RASGRP1: variants seen among roughly 807,000 people sequenced by gnomAD.
The protein encoded by RASGRP1 is RAS guanyl releasing protein 1, also known as RAS guanyl-releasing protein 1.
In RASGRP1, 37 loss-of-function variants were observed where a neutral mutation model predicts 95.1. The observed-to-expected ratio is 0.39, with a 90% confidence interval of 0.30 to 0.51. The LOEUF is 0.51. RASGRP1 is among the 20% of genes least tolerant of loss of function. The pLI is 0.80. For missense variants in RASGRP1, 711 were observed against 965.4 expected, an observed-to-expected ratio of 0.74 and a Z score of 3.49; for synonymous variants, 325 against 353.4, an observed-to-expected ratio of 0.92 and a Z score of 0.90.
chr15:38,502,175 T>G (rs1375001047), intron 12 of RASGRP1, 137 bp downstream of exon 12: 1 of 624,622 alleles, frequency 1.6e-6, no homozygotes, highest in African/African-American at 1.9e-5. Context: ...TTTAAAAGAA[T>G]GCATATTTCA....
Position 38,489,674 on chromosome 15 carries a change from G to A in RASGRP1, c.*880C>T, listed in dbSNP as rs138284530. 1.6e-4 allele frequency: 24 copies of A among 151,824 alleles called. No homozygotes were observed. The highest frequency in any genetic ancestry group is 5.8e-4 in the African/African-American group (24 of 41,310). 9.4% of individuals were successfully genotyped at this position (151,824 alleles called of 1,614,324 possible). A position where few individuals can be genotyped will look rare whatever the true frequency, so the allele number is the denominator to read the frequency against. On this transcript the variant is annotated 3_prime_UTR_variant, in exon 17 of 17. Transcript: ENST00000310803. Reference sequence around the variant, plus strand: ...TTTCAAAAAGAGAACTTTCAAAATAGTTTACTTCAGAAGAGAAAGATGGAA... The same window carrying A: ...TTTCAAAAAGAGAACTTTCAAAATAATTTACTTCAGAAGAGAAAGATGGAA...
chr15:38,564,574 C>T lies in RASGRP1; in HGVS notation c.35+20G>A. 1 of 1,370,590 alleles carries T rather than the reference C, an allele frequency of 7.3e-7. No individual in the cohort carries two copies. Among genetic ancestry groups the T allele is most frequent in the South Asian group, 1.8e-5 (1 of 54,064 alleles). 84.9% of individuals were successfully genotyped at this position (1,370,590 alleles called of 1,614,324 possible). ...GAAAGGACACAGGCGCTCCCGAGGG[C>T]CACGGCCGCCTCTACTCACCGCGGA... On this transcript the variant is annotated intron_variant, in intron 1 of 16. Coordinates refer to ENST00000310803, the MANE Select transcript of RASGRP1 (RefSeq NM_005739.4).
intron 12 of RASGRP1, chr15:38,501,574 A>C: frequency 3.9e-6 from 2 of 515,492 alleles, no homozygotes; most frequent in South Asian, 1.7e-5. Context: ...AAAAGAAACA[A>C]TGTAACATGT....
At chr15:38,533,661 T>C (rs1356874665) in intron 2 of RASGRP1, among the ~76,000 whole-genome samples, 1 of 152,214 alleles carries the variant, frequency 6.6e-6, no homozygotes, top group Non-Finnish European at 1.5e-5. Flanking sequence ...AAGGCCACTT[T>C]GGTCTCTGTT....
chr15:38,560,645 G>A (rs1020712340), intron 1 of RASGRP1, among the ~76,000 whole-genome samples: 7 of 152,208 alleles, frequency 4.6e-5, no homozygotes, highest in Non-Finnish European at 1.0e-4. Flanking sequence ...GATTTTAAGC[G>A]AGTCCTGCCT....
At chr15:38,512,662 C>T in intron 7 of RASGRP1, 121 bp downstream of exon 7, 1 of 1,217,738 alleles carries the variant, frequency 8.2e-7, no homozygotes, top group Non-Finnish European at 1.1e-6. Flanking sequence ...CAAACCTCTC[C>T]ACCCCCTCGC....
chr15:38,506,537 A>C (rs961490484), intron 9 of RASGRP1, among the ~76,000 whole-genome samples: 1 of 145,650 alleles, frequency 6.9e-6, no homozygotes, highest in African/African-American at 2.5e-5. Context: ...CAGGAGGCTG[A>C]GGTGGGAGGA....
chr15:38,549,628 G>C (rs780755600), intron 2 of RASGRP1, among the ~76,000 whole-genome samples: 5 of 125,132 alleles, frequency 4.0e-5, no homozygotes, highest in Admixed American at 2.4e-4. Flanking sequence ...TGCATTCTTT[G>C]TTACAAAACC....
intron 2 of RASGRP1, among the ~76,000 whole-genome samples, chr15:38,555,658 G>A (rs1174018640): frequency 7.2e-6 from 1 of 138,202 alleles, no homozygotes; most frequent in Admixed American, 7.3e-5. Flanking sequence ...GTTCAATGGA[G>A]AGAGTAATAT....
intron 2 of RASGRP1, among the ~76,000 whole-genome samples, chr15:38,546,644 A>C (rs1427025833): frequency 6.6e-6 from 1 of 152,206 alleles, no homozygotes; most frequent in African/African-American, 2.4e-5. Context: ...CGGCTAAGGG[A>C]ATAAAGTTAC....
chr15:38,500,247 G>A, intron 13 of RASGRP1, 108 bp from the exon 14 acceptor site: 2 of 1,075,312 alleles, frequency 1.9e-6, no homozygotes, highest in Non-Finnish European at 2.8e-6. Context: ...GCTCAAGTGG[G>A]AAGGAAACCT....
chr15:38,500,429 C>T (rs1457511520), intron 13 of RASGRP1, among the ~76,000 whole-genome samples: 2 of 151,996 alleles, frequency 1.3e-5, no homozygotes, highest in African/African-American at 4.8e-5. Flanking sequence ...GCAACCTCCA[C>T]CTCCTGGGTT....
intron 1 of RASGRP1, 124 bp from the exon 2 acceptor site, chr15:38,560,129 C>A (rs959755081): frequency 2.3e-6 from 2 of 882,652 alleles, no homozygotes; most frequent in African/African-American, 1.7e-5. Flanking sequence ...AGAAGCCATA[C>A]CCCTCCCACT....
intron 16 of RASGRP1, 199 bp downstream of exon 16, chr15:38,494,183 A>C: frequency 1.4e-6 from 1 of 702,344 alleles, no homozygotes; most frequent in Non-Finnish European, 2.4e-6. Flanking sequence ...GTTGTGAGAA[A>C]GCTGGAATCA....
Position 38,494,340 on chromosome 15 carries a change from T to C in RASGRP1, c.2259+42A>G, listed in dbSNP as rs934064103. 1.2e-5 allele frequency: 19 copies of C among 1,606,100 alleles called. No individual in the cohort carries two copies. In the Admixed American group the frequency reaches 2.3e-4, roughly 20 times the overall value. On this transcript the variant is annotated intron_variant, in intron 16 of 16. Transcript: ENST00000310803. ...CTCTTTCCTGGTTTGGCCCCACTTC[T>C]CTAAGATAGTCTGAAAAAAAGGAAA...
At chr15:38,493,066 G>C (rs1163372053) in intron 16 of RASGRP1, among the ~76,000 whole-genome samples, 3 of 151,792 alleles carry the variant, frequency 2.0e-5, no homozygotes, top group Middle Eastern at 3.4e-3. Context: ...ATTTTTAGTA[G>C]AGATGGGGTT....
In RASGRP1 at chr15:38,493,037, C is replaced by T. The variant is rs539471475; in HGVS notation, c.2259+1345G>A. Among the ~76,000 whole-genome samples, 14 of 151,876 alleles carry T rather than the reference C, an allele frequency of 9.2e-5. No homozygotes were observed. The South Asian group carries it at 2.3e-3, about 25-fold the overall frequency. On this transcript the variant is annotated intron_variant, in intron 16 of 16. Transcript: ENST00000310803. ...CTGGGACTACAGGCGCCCATTACCA[C>T]GCCTGGCTAATTTTTTATATTTTTA...
In RASGRP1 at chr15:38,512,975, C is replaced by T. The variant is rs367960976; in HGVS notation, c.676-19G>A. 2.0e-5 allele frequency: 29 copies of T among 1,486,560 alleles called. No homozygotes were observed. Among genetic ancestry groups the T allele is most frequent in the Non-Finnish European group, 2.6e-5 (29 of 1,120,316 alleles). 92.1% of individuals were successfully genotyped at this position (1,486,560 alleles called of 1,614,324 possible). A position where few individuals can be genotyped will look rare whatever the true frequency, so the allele number is the denominator to read the frequency against. ...CAGAGAACTGCAGGAAAAGAAACAA[C>T]AACAACAAAAAAAACCTATCAGTAC... On this transcript the variant is annotated intron_variant, in intron 6 of 16. Coordinates refer to ENST00000310803, the MANE Select transcript of RASGRP1 (RefSeq NM_005739.4).
rs573568115 is a variant in RASGRP1, at chr15:38,526,493, G to A, written c.221-89C>T. 3.3e-6 allele frequency: 3 copies of A among 920,788 alleles called. No homozygotes were observed. In the East Asian group the frequency reaches 7.6e-5, roughly 23 times the overall value. The allele number at this position is 920,788 out of a possible 1,614,324, so 57.0% of individuals were successfully genotyped here. On this transcript the variant is annotated intron_variant, in intron 2 of 16. Transcript: ENST00000310803. ...CCTGCAAACCCTCTGTGACTCAGGT[G>A]CAATCCTTCAGGCACAGTGATTTTC...
Sources: gnomAD v4.1 joint callset for allele counts (sites outside exome capture counted in the v4.1 genomes callset) on GRCh38, gnomAD v4.1.1 for gene constraint, MANE v1.5 for transcripts, NCBI Gene and HGNC (gene_info 2026-07-23, HGNC 2026-07-21) for gene names.